CASP10: variants seen among roughly 807,000 people sequenced by gnomAD.
The protein encoded by CASP10 is caspase-10.
In CASP10, 41 loss-of-function variants were observed where a neutral mutation model predicts 48.5. The ratio of observed to expected loss-of-function variants is 0.85; its 90% confidence interval spans 0.66 to 1.10. The LOEUF is 1.10. Among genes scored for constraint, CASP10 ranks in the 50% least tolerant of loss-of-function variants. The pLI, the probability that CASP10 is intolerant of heterozygous loss-of-function variation, is 0.00. For missense variants in CASP10, 614 were observed against 614.5 expected, an observed-to-expected ratio of 1.00 and a Z score of 0.01; for synonymous variants, 232 against 238.4, an observed-to-expected ratio of 0.97 and a Z score of 0.25.
Position 201,220,897 on chromosome 2 carries a change from C to T in CASP10, c.*3156C>T. On this transcript the variant is annotated 3_prime_UTR_variant, in exon 10 of 10. Coordinates refer to ENST00000286186, the MANE Select transcript of CASP10 (RefSeq NM_032977.4). ...AGCAAAGGATCTGGAGATCAAAGCC[C>T]TGCATTTCCATTTTGTCCTGATTCC... 1.0e-6 allele frequency: 1 copy of T among 985,458 alleles called. No homozygotes were observed. The highest frequency in any genetic ancestry group is 1.2e-6 in the Non-Finnish European group (1 of 829,938). The allele number at this position is 985,458 out of a possible 1,614,324, so 61.0% of individuals were successfully genotyped here.
At chr2:201,224,097 G>A (rs948973958), downstream of CASP10, among the ~76,000 whole-genome samples, 1 of 151,218 alleles carries the variant, frequency 6.6e-6, no homozygotes, top group East Asian at 1.9e-4. Context: ...TCAGCCTCCC[G>A]AGTAGCTGGG....
At chr2:201,205,097 C>G (rs143390169) in intron 6 of CASP10, among the ~76,000 whole-genome samples, 35 of 152,298 alleles carry the variant, frequency 2.3e-4, no homozygotes, top group South Asian at 1.0e-3. Flanking sequence ...GCATTGCTGA[C>G]TTTCTCTCTG....
At chr2:201,190,655 G>A (rs1481223946) in intron 3 of CASP10, among the ~76,000 whole-genome samples, 2 of 152,012 alleles carry the variant, frequency 1.3e-5, no homozygotes, top group Non-Finnish European at 2.9e-5. Context: ...GTTATACCCC[G>A]TCCTATGTTA....
chr2:201,208,329 G>T, intron 8 of CASP10, 146 bp downstream of exon 8: 2 of 1,414,906 alleles, frequency 1.4e-6, no homozygotes, highest in Admixed American at 2.9e-5. Context: ...TATCCCTGGG[G>T]AGTCATCAGT....
Position 201,219,829 on chromosome 2 carries a change from A to G in CASP10, c.*2088A>G. 1 of 983,668 alleles carries G rather than the reference A, an allele frequency of 1.0e-6. No individual in the cohort carries two copies. Among genetic ancestry groups the G allele is most frequent in the Non-Finnish European group, 1.2e-6 (1 of 829,598 alleles). 60.9% of individuals were successfully genotyped at this position (983,668 alleles called of 1,614,324 possible). A position where few individuals can be genotyped will look rare whatever the true frequency, so the allele number is the denominator to read the frequency against. On this transcript the variant is annotated 3_prime_UTR_variant, in exon 10 of 10. Transcript: ENST00000286186. ...CCAAAGTCCTGTGGTTAACGCCTTC[A>G]TTTATAGATGAGGCAGCTGAGGCCT... is the stretch of plus-strand genomic sequence containing the variant.
At position 201,226,675 on chromosome 2, in the gene CASP10, T is replaced by C. The variant is rs373860134; in HGVS notation, c.1416-2258T>C. Among the ~76,000 whole-genome samples, 223 of 135,768 alleles carry C rather than the reference T, an allele frequency of 1.6e-3. 3 individuals are homozygous for C. The highest frequency in any genetic ancestry group is 6.4e-3 in the African/African-American group (219 of 34,026). The allele number at this position is 135,768 out of a possible 152,430, so 89.1% of individuals were successfully genotyped here. On this transcript the variant is annotated intron_variant, in intron 9 of 9. Transcript: ENST00000272879. ...GGAAGTGTTAGTTTTCTGAGCAGCA[T>C]TGTTTGTAAAAGTACAAAAAAAAAA...
intron 3 of CASP10, among the ~76,000 whole-genome samples, chr2:201,188,328 C>A (rs757516137): frequency 3.3e-5 from 5 of 151,898 alleles, no homozygotes; most frequent in Non-Finnish European, 5.9e-5. Context: ...TACAGGCATG[C>A]ACCACCATGC....
At chr2:201,216,702 C>T (rs1407838618) in intron 9 of CASP10, among the ~76,000 whole-genome samples, 2 of 152,080 alleles carry the variant, frequency 1.3e-5, no homozygotes, top group Non-Finnish European at 2.9e-5. Context: ...CTCTCGGCAA[C>T]CCCTAAGATG....
intron 9 of CASP10, among the ~76,000 whole-genome samples, chr2:201,227,096 A>C (rs144278110): frequency 3.3e-5 from 5 of 152,220 alleles, no homozygotes; most frequent in African/African-American, 9.6e-5. Flanking sequence ...ACAGGGGGGA[A>C]CATGCCAATG....
Position 201,187,811 on chromosome 2 carries a change from A to T in CASP10, c.441+12A>T. ...CCAAAACTGAAATGGTGAGTGGGTC[A>T]TACAGAATGGGTCTGTGTGAGCACT... On this transcript the variant is annotated intron_variant, in intron 3 of 9. Transcript: ENST00000286186. 1 of 1,587,326 alleles carries T rather than the reference A, an allele frequency of 6.3e-7. No individual in the cohort carries two copies. Among genetic ancestry groups the T allele is most frequent in the Non-Finnish European group, 8.7e-7 (1 of 1,155,460 alleles).
intron 2 of CASP10, chr2:201,186,366 A>G (rs1944415683): frequency 2.0e-6 from 1 of 496,898 alleles, no homozygotes; most frequent in Admixed American, 3.3e-5. Context: ...TTTGCTTCTC[A>G]CTAGCAGTGA....
Position 201,221,319 on chromosome 2 carries a change from C to T in CASP10, c.*3578C>T. 1.0e-6 allele frequency: 1 copy of T among 984,754 alleles called. No individual in the cohort carries two copies. Among genetic ancestry groups the T allele is most frequent in the Non-Finnish European group, 1.2e-6 (1 of 829,066 alleles). The allele number at this position is 984,754 out of a possible 1,614,324, so 61.0% of individuals were successfully genotyped here. On this transcript the variant is annotated 3_prime_UTR_variant, in exon 10 of 10. Coordinates refer to ENST00000286186, the MANE Select transcript of CASP10 (RefSeq NM_032977.4). ...TAAAACCTCCTGTCAGGCCTCTGAG[C>T]CCAAGCTAAGCCATCATATCCCTTG...
chr2:201,209,927 A>G (rs1945341724), intron 9 of CASP10, among the ~76,000 whole-genome samples: 1 of 152,196 alleles, frequency 6.6e-6, no homozygotes, highest in Non-Finnish European at 1.5e-5. Flanking sequence ...TAGACGGGGA[A>G]GGGCATCCCC....
At chr2:201,210,079 G>A (rs1237286154) in intron 9 of CASP10, among the ~76,000 whole-genome samples, 1 of 152,220 alleles carries the variant, frequency 6.6e-6, no homozygotes, top group Admixed American at 6.5e-5. Context: ...GATGTGCTGG[G>A]CAGAGGGAAT....
intron 3 of CASP10, among the ~76,000 whole-genome samples, chr2:201,190,426 G>A (rs557701720): frequency 6.6e-5 from 10 of 152,168 alleles, no homozygotes; most frequent in Admixed American, 2.6e-4. Context: ...TGCTTTTGCC[G>A]TAAAATTTCA....
chr2:201,194,568 T>A (rs1944722583), intron 4 of CASP10, among the ~76,000 whole-genome samples: 1 of 152,224 alleles, frequency 6.6e-6, no homozygotes, highest in South Asian at 2.1e-4. Context: ...AGCAGAAGGT[T>A]GATATGGAAA....
At position 201,185,935 on chromosome 2, in the gene CASP10, A is replaced by G. The variant is rs1434968137; in HGVS notation, c.158A>G (p.Glu53Gly). ...CIGLVPNKKL[E>G]KSSSASDVFE... ...GGATTGGTCCCCAACAAGAAGCTGGAGAAGTCCAGCTCAGCCTCAGATGTT... is the reference window on the plus strand; with the variant it reads ...GGATTGGTCCCCAACAAGAAGCTGGGGAAGTCCAGCTCAGCCTCAGATGTT... Residue 53 changes from glutamate (E) to glycine (G), a missense_variant, in exon 2 of 10, where the codon GAG (glutamate) becomes GGG (glycine). Transcript: ENST00000286186. The G allele has an allele frequency of 6.2e-7, 1 of 1,614,158 alleles. No individual in the cohort carries two copies. Among genetic ancestry groups the G allele is most frequent in the Admixed American group, 1.7e-5 (1 of 60,014 alleles).
At chr2:201,188,218 T>C (rs894795484) in intron 3 of CASP10, among the ~76,000 whole-genome samples, 2 of 152,174 alleles carry the variant, frequency 1.3e-5, no homozygotes, top group African/African-American at 2.4e-5. Flanking sequence ...CTTGCCTTGT[T>C]GCCCAGGCTG....
At chr2:201,225,456 G>C (rs146432802), downstream of CASP10, among the ~76,000 whole-genome samples, 1 of 152,100 alleles carries the variant, frequency 6.6e-6, no homozygotes, top group Non-Finnish European at 1.5e-5. Flanking sequence ...CAGGGGTTTC[G>C]GCAATGCTGT....
Sources: gnomAD v4.1 joint callset for allele counts (sites outside exome capture counted in the v4.1 genomes callset) on GRCh38, gnomAD v4.1.1 for gene constraint, MANE v1.5 for transcripts, NCBI Gene and HGNC (gene_info 2026-07-23, HGNC 2026-07-21) for gene names.